The following SLIT1 variants were observed in gnomAD, a reference collection of about 807,000 sequenced individuals.
SLIT1 encodes slit guidance ligand 1, also known as slit homolog 1 protein.
SLIT1 carries 66 observed loss-of-function variants against 186.1 expected under a neutral mutation model. The ratio of observed to expected loss-of-function variants is 0.35; its 90% confidence interval spans 0.29 to 0.44. SLIT1 has a LOEUF of 0.44. Among genes scored for constraint, SLIT1 ranks in the 20% least tolerant of loss-of-function variants. The pLI is 1.00. For missense variants in SLIT1, 1,638 were observed against 2,037.4 expected (o/e 0.80, Z 3.77); for synonymous variants, 761 against 833.8 (o/e 0.91, Z 1.50).
intron 4 of SLIT1, chr10:97,101,369 A>C (rs907120307): frequency 2.0e-5 from 3 of 152,266 alleles, no homozygotes; most frequent in African/African-American, 7.2e-5. Flanking sequence ...TCCTGGAAGC[A>C]AAACTTCTCT....
chr10:97,076,504 A>G (rs538218299), intron 4 of SLIT1, among the ~76,000 whole-genome samples: 1 of 152,078 alleles, frequency 6.6e-6, no homozygotes, highest in Admixed American at 6.5e-5. Context: ...AAGGGGAATT[A>G]ATTCTGCAAG....
intron 28 of SLIT1, among the ~76,000 whole-genome samples, chr10:97,016,418 GAC>G (rs1333021526): frequency 6.6e-6 from 1 of 152,154 alleles, no homozygotes; most frequent in East Asian, 1.9e-4. Flanking sequence ...TTATTTTAGA[GAC>G]AGTTTCACTG....
intron 20 of SLIT1, 97 bp downstream of exon 20, chr10:97,042,804 G>T: frequency 7.5e-7 from 1 of 1,333,494 alleles, no homozygotes; most frequent in South Asian, 1.4e-5. Flanking sequence ...GCATGCCAGG[G>T]GGTGCTGCCT....
At chr10:97,176,318 G>A (rs143587167) in intron 1 of SLIT1, among the ~76,000 whole-genome samples, 3 of 152,034 alleles carry the variant, frequency 2.0e-5, no homozygotes, top group East Asian at 3.9e-4. Flanking sequence ...TCTAAGCCAC[G>A]ACCACGACCA....
Position 97,127,126 on chromosome 10 carries a change from T to TAA in SLIT1, c.413+30690_413+30691dup, listed in dbSNP as rs145719705. ...TAACATGGTGAAACCCCGTCTCTAC[T>TAA]AAAAAAAAAACAAAAAAAATTAGCC... On this transcript the variant is annotated intron_variant, in intron 4 of 36. Coordinates refer to ENST00000266058, the MANE Select transcript of SLIT1 (RefSeq NM_003061.3). Among the ~76,000 whole-genome samples the TAA allele has an allele frequency of 2.1e-3, 314 of 146,934 alleles. 1 individual carries two copies. Among genetic ancestry groups the TAA allele is most frequent in the Middle Eastern group, 0.01 (3 of 290 alleles).
intron 13 of SLIT1, among the ~76,000 whole-genome samples, chr10:97,052,553 T>C (rs574538723): frequency 6.6e-6 from 1 of 152,358 alleles, no homozygotes; most frequent in East Asian, 1.9e-4. Context: ...GTAGTGATAG[T>C]TGAATTCTGG....
At position 97,068,433 on chromosome 10, in the gene SLIT1, C is replaced by A. The variant is rs1018159150; in HGVS notation, c.414-2347G>T. On this transcript the variant is annotated intron_variant, in intron 4 of 36. Transcript: ENST00000266058. The surrounding 1 kb of genome is among the most constrained non-coding windows in gnomAD (Gnocchi z 4.2). ...TATGTGCTCCCTCCCCCAAACCCAG[C>A]CCCTCTGTCCTGTCCCCTCACAGCC... Among the ~76,000 whole-genome samples, 3 of 152,168 alleles carry A rather than the reference C, an allele frequency of 2.0e-5. No individual in the cohort carries two copies. The highest frequency in any genetic ancestry group is 4.8e-5 in the African/African-American group (2 of 41,448).
chr10:97,078,065 C>T (rs1326268201), intron 4 of SLIT1, among the ~76,000 whole-genome samples: 1 of 152,036 alleles, frequency 6.6e-6, no homozygotes. Context: ...TGTGATCATG[C>T]CACTTCACTC....
chr10:97,157,861 A>G lies in SLIT1; in HGVS notation c.370T>C (p.Leu124=), dbSNP rs1413252871. ...LRLNRNQLHM[L]PELLFQNNQA... ...TTGTTCTGGAACAGCAGTTCCGGTAACATGTGCAGCTGGTTTCGGTTCAGT... is the reference window on the plus strand; with the variant it reads ...TTGTTCTGGAACAGCAGTTCCGGTAGCATGTGCAGCTGGTTTCGGTTCAGT... The change falls in exon 4 of 37, where the codon TTA becomes CTA. Residue 124 remains leucine (L), a synonymous_variant. Transcript: ENST00000266058. 1.2e-6 allele frequency: 2 copies of G among 1,614,086 alleles called. No individual in the cohort carries two copies. Among genetic ancestry groups the G allele is most frequent in the South Asian group, 1.1e-5 (1 of 91,082 alleles).
At chr10:97,040,490 C>T (rs932480889) in intron 20 of SLIT1, among the ~76,000 whole-genome samples, 1 of 152,164 alleles carries the variant, frequency 6.6e-6, no homozygotes, top group Non-Finnish European at 1.5e-5. Flanking sequence ...AGCATCGCCC[C>T]TAGAATGCAG....
At position 97,068,493 on chromosome 10, in the gene SLIT1, G is replaced by T. The variant is rs1248586416; in HGVS notation, c.414-2407C>A. Among the ~76,000 whole-genome samples, 1 of 151,992 alleles carries T rather than the reference G, an allele frequency of 6.6e-6. No individual in the cohort carries two copies. Among genetic ancestry groups the T allele is most frequent in the Non-Finnish European group, 1.5e-5 (1 of 67,976 alleles). On this transcript the variant is annotated intron_variant, in intron 4 of 36. Coordinates refer to ENST00000266058, the MANE Select transcript of SLIT1 (RefSeq NM_003061.3). The surrounding 1 kb of genome is among the most constrained non-coding windows in gnomAD (Gnocchi z 4.2). ...GCAGCCAGGCACCCGTGTCTGAAGG[G>T]GCCTTGGCACCATCAGTGCCCCTCG...
chr10:97,060,263 C>T (rs913246376), intron 9 of SLIT1, 105 bp from the exon 10 acceptor site: 2 of 905,804 alleles, frequency 2.2e-6, no homozygotes, highest in South Asian at 1.4e-5. Flanking sequence ...GCCCCTCTTG[C>T]CCCTGCTCCC....
rs751512534 is a variant in SLIT1 at position 97,002,931 on chromosome 10, G to T, written c.3927C>A (p.Gly1309=). The change falls in exon 35 of 37, where the codon GGC becomes GGA. Residue 1309 remains glycine (G), a synonymous_variant. Coordinates refer to ENST00000266058, the MANE Select transcript of SLIT1 (RefSeq NM_003061.3). ...FRLWQILNGT[G]FHGCIRNLYI... is the part of the protein sequence containing the mutation. Reference sequence around the variant, plus strand: ...ACAGGTTTCGGATGCAACCGTGGAAGCCGGTGCCGTTGAGGATCTGCCACA... The same window carrying T: ...ACAGGTTTCGGATGCAACCGTGGAATCCGGTGCCGTTGAGGATCTGCCACA... 1.5e-5 allele frequency: 24 copies of T among 1,614,104 alleles called. No homozygotes were observed. The highest frequency in any genetic ancestry group is 1.9e-5 in the Non-Finnish European group (22 of 1,180,032).
intron 4 of SLIT1, among the ~76,000 whole-genome samples, chr10:97,083,885 G>A (rs928163787): frequency 6.6e-6 from 1 of 152,178 alleles, no homozygotes; most frequent in Non-Finnish European, 1.5e-5. Context: ...AATGAAGAGT[G>A]TGGTGGGAGC....
Position 97,056,442 on chromosome 10 carries a change from T to C in SLIT1, c.1180A>G (p.Asn394Asp). 6.2e-7 allele frequency: 1 copy of C among 1,614,118 alleles called. No individual in the cohort carries two copies. The highest frequency in any genetic ancestry group is 8.5e-7 in the Non-Finnish European group (1 of 1,179,988). The change falls in exon 13 of 37, where the codon AAC (asparagine) becomes GAC (aspartate). Residue 394 changes from asparagine to aspartate, a missense_variant. This residue lies in a region of SLIT1 where 1,245 missense variants were observed against 1,535.3 expected (regional missense o/e 0.81). Coordinates refer to ENST00000266058, the MANE Select transcript of SLIT1 (RefSeq NM_003061.3). ...QLLLLNANKI[N>D]CIRPDAFQDL... is the part of the protein sequence containing the mutation. ...TGGAAGGCATCGGGCCGGATGCAGT[T>C]GATCTTGTTGGCATTCAGGAGCCTG...
rs1209181690 is a variant in SLIT1, at chr10:97,011,116, G to C, written c.3218C>G (p.Pro1073Arg). The change falls in exon 31 of 37, where the codon CCA becomes CGA. Residue 1073 changes from proline (P) to arginine (R), a missense_variant. Physicochemically the swap from Pro to Arg is moderately radical, Grantham distance 103. This residue lies in a region of SLIT1 where 1,245 missense variants were observed against 1,535.3 expected (regional missense o/e 0.81). Transcript: ENST00000266058. ...TPDGPRCECM[P>R]GYAGDNCSEN... ...ACTGCAGTTGTCACCTGCATAACCT[G>C]GCATGCACTCACACCTAGTGGGTGG... The C allele has an allele frequency of 6.2e-7, 1 of 1,613,552 alleles. No individual in the cohort carries two copies. Among genetic ancestry groups the C allele is most frequent in the Non-Finnish European group, 8.5e-7 (1 of 1,179,664 alleles).
At chr10:97,147,345 G>C (rs1328038950) in intron 4 of SLIT1, among the ~76,000 whole-genome samples, 1 of 152,204 alleles carries the variant, frequency 6.6e-6, no homozygotes, top group Non-Finnish European at 1.5e-5. Context: ...GGTATAGATA[G>C]TGATGATGGT....
At chr10:97,144,516 G>C (rs1219865355) in intron 4 of SLIT1, among the ~76,000 whole-genome samples, 4 of 152,190 alleles carry the variant, frequency 2.6e-5, no homozygotes, top group Non-Finnish European at 5.9e-5. Flanking sequence ...AAAGCTCTCA[G>C]GCGGCAGGCT....
At chr10:97,185,377 A>T in intron 1 of SLIT1, 101 bp downstream of exon 1, 1 of 1,168,508 alleles carries the variant, frequency 8.6e-7, no homozygotes, top group Non-Finnish European at 1.2e-6. Context: ...CGGAGCCCGG[A>T]CGGGCCCCAA....
Sources: allele counts gnomAD v4.1 joint callset (sites outside exome capture counted in the v4.1 genomes callset), GRCh38; gene constraint gnomAD v4.1.1; regional missense constraint gnomAD v4.1.1; non-coding constraint Gnocchi (gnomAD v3.1); transcripts MANE v1.5; gene names NCBI Gene and HGNC (gene_info 2026-07-23, HGNC 2026-07-21).